Variants in EDIL3 observed in about 807,000 individuals in gnomAD.
EDIL3 encodes the protein EGF-like repeat and discoidin I-like domain-containing protein 3.
EDIL3 carries 37 observed loss-of-function variants against 67.4 expected under a neutral mutation model. The ratio of observed to expected loss-of-function variants is 0.55; its 90% CI spans 0.42 to 0.72. The LOEUF is 0.72. Ranked by LOEUF, EDIL3 falls within the 30% of genes least tolerant of loss-of-function variation. EDIL3 has a pLI of 0.00. For missense variants in EDIL3, 527 were observed against 586.3 expected (o/e 0.90, Z 1.04); for synonymous variants, 195 against 196.3 (o/e 0.99, Z 0.05).
At chr5:84,218,412 A>C (rs935508735) in intron 3 of EDIL3, among the ~76,000 whole-genome samples, 6 of 152,244 alleles carry the variant, frequency 3.9e-5, no homozygotes, top group African/African-American at 1.4e-4. Flanking sequence ...ATAGAAACCA[A>C]TCATTAAAGT....
chr5:84,110,280 G>A (rs1747535379), intron 5 of EDIL3, among the ~76,000 whole-genome samples: 1 of 152,100 alleles, frequency 6.6e-6, no homozygotes, highest in Non-Finnish European at 1.5e-5. Context: ...ACAATCAAAT[G>A]GATGTCATCA....
intron 9 of EDIL3, among the ~76,000 whole-genome samples, chr5:83,980,208 T>C (rs16900806): frequency 0.12 from 17,521 of 152,006 alleles, 1,814 homozygotes; most frequent in African/African-American, 0.28. Flanking sequence ...GATTGTACCA[T>C]CTAAAAGTGT....
At chr5:84,316,368 C>G (rs1030615386) in intron 1 of EDIL3, among the ~76,000 whole-genome samples, 1 of 152,108 alleles carries the variant, frequency 6.6e-6, no homozygotes, top group African/African-American at 2.4e-5. Context: ...GCAGACCCAT[C>G]TCACATGCAA....
chr5:84,086,445 G>A (rs1274124378), intron 6 of EDIL3, among the ~76,000 whole-genome samples: 4 of 152,250 alleles, frequency 2.6e-5, no homozygotes, highest in South Asian at 2.1e-4. Context: ...GAGAAGCGAC[G>A]TCCCACCCTG....
rs145211937 is a variant in EDIL3, at chr5:84,068,187, C to T, written c.652-1581G>A. Among the ~76,000 whole-genome samples, 335 of 152,226 alleles carry T rather than the reference C, an allele frequency of 2.2e-3. 2 individuals carry two copies. The highest frequency in any genetic ancestry group is 7.4e-3 in the African/African-American group (306 of 41,532). On this transcript the variant is annotated intron_variant, in intron 6 of 10. Transcript: ENST00000296591. ...CTTCAGTATGTTAGGTCAATTAGCACATCGCTATGAAAGAGTCATATTCTT... is the reference window on the plus strand; with the variant it reads ...CTTCAGTATGTTAGGTCAATTAGCATATCGCTATGAAAGAGTCATATTCTT...
intron 1 of EDIL3, among the ~76,000 whole-genome samples, chr5:84,294,910 C>G (rs1191572016): frequency 6.6e-6 from 1 of 152,168 alleles, no homozygotes; most frequent in African/African-American, 2.4e-5. Flanking sequence ...TCAACAACAA[C>G]TACACTTGAA....
At chr5:84,112,430 C>G (rs988148023) in intron 5 of EDIL3, among the ~76,000 whole-genome samples, 1 of 152,154 alleles carries the variant, frequency 6.6e-6, no homozygotes, top group Admixed American at 6.5e-5. Flanking sequence ...GTCCAGAGAG[C>G]AAACATAGGT....
At chr5:84,137,430 G>T in intron 4 of EDIL3, 76 bp from the exon 5 acceptor site, 1 of 1,302,568 alleles carries the variant, frequency 7.7e-7, no homozygotes, top group South Asian at 1.3e-5. Context: ...TTTAACATTT[G>T]AAATACAAAT....
intron 9 of EDIL3, among the ~76,000 whole-genome samples, chr5:83,983,585 G>A (rs888408461): frequency 6.6e-6 from 1 of 151,956 alleles, no homozygotes; most frequent in Non-Finnish European, 1.5e-5. Flanking sequence ...GCAGCATTGT[G>A]CAATACAAAC....
intron 3 of EDIL3, among the ~76,000 whole-genome samples, chr5:84,180,806 C>G (rs1255680804): frequency 6.6e-6 from 1 of 152,086 alleles, no homozygotes; most frequent in African/African-American, 2.4e-5. Context: ...GGTTATAATA[C>G]AGATGAAAAG....
chr5:84,291,526 G>A (rs1007278258), intron 1 of EDIL3, among the ~76,000 whole-genome samples: 15 of 151,702 alleles, frequency 9.9e-5, no homozygotes, highest in African/African-American at 3.6e-4. Flanking sequence ...GAAAAGCAAT[G>A]TAAATAACAA....
At chr5:84,311,143 A>G (rs1431659298) in intron 1 of EDIL3, among the ~76,000 whole-genome samples, 1 of 152,054 alleles carries the variant, frequency 6.6e-6, no homozygotes, top group Non-Finnish European at 1.5e-5. Context: ...TTTTTAATAT[A>G]AATAATGCCA....
At chr5:84,264,090 G>C (rs144631639) in intron 1 of EDIL3, among the ~76,000 whole-genome samples, 1 of 151,960 alleles carries the variant, frequency 6.6e-6, no homozygotes, top group Non-Finnish European at 1.5e-5. Context: ...TACTAAAAAT[G>C]CAAAAATTAG....
At chr5:84,063,336 G>C (rs1746577333) in intron 8 of EDIL3, among the ~76,000 whole-genome samples, 2 of 152,122 alleles carry the variant, frequency 1.3e-5, no homozygotes, top group African/African-American at 4.8e-5. Context: ...TACAAACACT[G>C]TATAGCAATA....
chr5:84,039,422 T>TA (rs1405723075), intron 9 of EDIL3, among the ~76,000 whole-genome samples: 2 of 152,158 alleles, frequency 1.3e-5, no homozygotes, highest in Non-Finnish European at 1.5e-5. Context: ...CAGAACGAAA[T>TA]AGAGATTAAA....
chr5:84,324,643 A>G (rs1325472270), intron 1 of EDIL3, among the ~76,000 whole-genome samples: 1 of 151,868 alleles, frequency 6.6e-6, no homozygotes, highest in Non-Finnish European at 1.5e-5. Context: ...GAAAAAAATC[A>G]AGAAGTTTAA....
chr5:84,029,357 C>T (rs1745876052), intron 9 of EDIL3, among the ~76,000 whole-genome samples: 1 of 152,148 alleles, frequency 6.6e-6, no homozygotes, highest in African/African-American at 2.4e-5. Flanking sequence ...CTTGCTCCTC[C>T]TTGCCTTCCG....
At chr5:84,309,292 CCT>C (rs1336310017) in intron 1 of EDIL3, among the ~76,000 whole-genome samples, 3 of 147,184 alleles carry the variant, frequency 2.0e-5, no homozygotes, top group Admixed American at 1.3e-4. Flanking sequence ...AAATGTTTTT[CCT>C]CTTTCTTTTT....
At chr5:84,191,178 A>G (rs777605079) in intron 3 of EDIL3, among the ~76,000 whole-genome samples, 18 of 152,248 alleles carry the variant, frequency 1.2e-4, no homozygotes, top group Non-Finnish European at 2.2e-4. Context: ...TTTTATAATT[A>G]TAAACAAAGT....
Sources: allele counts gnomAD v4.1 joint callset (sites outside exome capture counted in the v4.1 genomes callset), GRCh38; gene constraint gnomAD v4.1.1; transcripts MANE v1.5; gene names NCBI Gene and HGNC (gene_info 2026-07-23, HGNC 2026-07-21).